The following CWF19L2 variants were observed in gnomAD, a reference collection of about 807,000 sequenced individuals.
The protein encoded by CWF19L2 is CWF19-like protein 2.
CWF19L2 carries 98 observed loss-of-function variants against 111.7 expected under a neutral mutation model. The ratio of observed to expected loss-of-function variants is 0.88; its 90% confidence interval spans 0.75 to 1.04. The LOEUF (loss-of-function observed/expected upper bound fraction) is 1.04. Ranked by LOEUF, CWF19L2 falls within the 50% of genes least tolerant of loss-of-function variation. CWF19L2 has a pLI of 0.00. For synonymous variants in CWF19L2, 351 were observed against 342.9 expected (o/e 1.02, Z -0.26); for missense variants, 1,101 against 1,051.4 (o/e 1.05, Z -0.65).
chr11:107,348,497 C>T (rs981037812), intron 14 of CWF19L2, among the ~76,000 whole-genome samples: 6 of 152,134 alleles, frequency 3.9e-5, no homozygotes, highest in African/African-American at 7.2e-5. Context: ...CACAAAAACA[C>T]AGCAGCAGAG....
At chr11:107,435,848 T>C (rs1861533324) in intron 6 of CWF19L2, among the ~76,000 whole-genome samples, 2 of 151,890 alleles carry the variant, frequency 1.3e-5, no homozygotes, top group South Asian at 2.1e-4. Context: ...CTTCCTACAA[T>C]AGGAAGTACA....
intron 10 of CWF19L2, among the ~76,000 whole-genome samples, chr11:107,408,494 G>C (rs914945751): frequency 1.3e-5 from 2 of 151,914 alleles, no homozygotes; most frequent in Non-Finnish European, 2.9e-5. Context: ...TATGAGACTA[G>C]AGAACAGACA....
chr11:107,368,380 T>G (rs2508681), intron 12 of CWF19L2, among the ~76,000 whole-genome samples: 105,022 of 135,608 alleles, frequency 0.77, 45,192 homozygotes, highest in African/African-American at 0.92. Context: ...CTTCCAAGAT[T>G]GAACGAACCA....
intron 10 of CWF19L2, among the ~76,000 whole-genome samples, chr11:107,401,584 G>A (rs372429773): frequency 1.3e-5 from 2 of 152,036 alleles, no homozygotes; most frequent in South Asian, 4.2e-4. Context: ...AATCACAGAC[G>A]ACACAAACAA....
chr11:107,442,793 A>AGGAGGGAGG (rs1565287328), intron 4 of CWF19L2, 146 bp downstream of exon 4: 2 of 249,522 alleles, frequency 8.0e-6, no homozygotes, highest in Non-Finnish European at 1.3e-5. Context: ...GAAGGAAGGA[A>AGGAGGGAGG]GGGAGGGAGG....
chr11:107,407,950 C>T (rs1289040348), intron 10 of CWF19L2, among the ~76,000 whole-genome samples: 1 of 151,940 alleles, frequency 6.6e-6, no homozygotes, highest in Non-Finnish European at 1.5e-5. Context: ...TCAACACTCC[C>T]AGCTAGGATA....
intron 12 of CWF19L2, among the ~76,000 whole-genome samples, chr11:107,362,392 C>G (rs1016004593): frequency 5.3e-5 from 8 of 151,958 alleles, no homozygotes; most frequent in Non-Finnish European, 1.0e-4. Flanking sequence ...AACAAAAAGA[C>G]AGCAGTAACC....
chr11:107,392,799 C>T lies in CWF19L2; in HGVS notation c.1714G>A (p.Gly572Arg). ...CATACCATCTGTCTCTTTCTTCTTC[C>T]TCCTTGTGATTCCAGAGATTTTCCG... is the stretch of plus-strand genomic sequence containing the variant. ...TPGKSLESQG[G>R]RRKRQMVSTH... Residue 572 changes from glycine (G) to arginine (R), a missense_variant, in exon 11 of 18, where the codon GGA becomes AGA. Coordinates refer to ENST00000282251, the MANE Select transcript of CWF19L2 (RefSeq NM_152434.3). 1.3e-6 allele frequency: 2 copies of T among 1,590,336 alleles called. No individual in the cohort carries two copies. The highest frequency in any genetic ancestry group is 1.1e-5 in the South Asian group (1 of 88,384).
chr11:107,361,232 C>T (rs1012162146), intron 12 of CWF19L2, among the ~76,000 whole-genome samples: 8 of 152,166 alleles, frequency 5.3e-5, no homozygotes, highest in Non-Finnish European at 7.4e-5. Context: ...GGTGTATGTT[C>T]GTGTCAACTT....
chr11:107,418,922 A>C (rs1861265761), intron 8 of CWF19L2, among the ~76,000 whole-genome samples: 2 of 152,214 alleles, frequency 1.3e-5, no homozygotes, highest in Non-Finnish European at 2.9e-5. Flanking sequence ...CAGGACAGTG[A>C]CCTCAGTCAG....
chr11:107,414,594 C>T (rs113185748), intron 10 of CWF19L2, among the ~76,000 whole-genome samples: 439 of 152,216 alleles, frequency 2.9e-3, no homozygotes, highest in Non-Finnish European at 4.5e-3. Flanking sequence ...CCACTTATTC[C>T]ACATCTAACA....
At chr11:107,378,924 T>C (rs973194127) in intron 12 of CWF19L2, among the ~76,000 whole-genome samples, 19 of 152,044 alleles carry the variant, frequency 1.2e-4, no homozygotes, top group African/African-American at 4.6e-4. Flanking sequence ...GAAGACAAGA[T>C]TGGTGACAGA....
chr11:107,331,642 C>T (rs1167589858), intron 16 of CWF19L2, among the ~76,000 whole-genome samples: 4 of 152,272 alleles, frequency 2.6e-5, no homozygotes, highest in African/African-American at 4.8e-5. Flanking sequence ...TTTGTACTTG[C>T]GATCACCAGA....
At chr11:107,425,487 G>A (rs754067922) in intron 8 of CWF19L2, among the ~76,000 whole-genome samples, 1 of 151,900 alleles carries the variant, frequency 6.6e-6, no homozygotes, top group African/African-American at 2.4e-5. Flanking sequence ...GCAACAGGCT[G>A]TACCATATAG....
chr11:107,447,619 A>T (rs1861719211), intron 3 of CWF19L2, among the ~76,000 whole-genome samples: 1 of 152,240 alleles, frequency 6.6e-6, no homozygotes, highest in East Asian at 1.9e-4. Flanking sequence ...CATACGAACA[A>T]AACTTAAAAA....
rs201077015 is a variant in CWF19L2, at chr11:107,442,881, G to GAA, written c.450+57_450+58insTT. On this transcript the variant is annotated intron_variant, in intron 4 of 17. Coordinates refer to ENST00000282251, the MANE Select transcript of CWF19L2 (RefSeq NM_152434.3). ...GATAGAGAGGGAAGGAGGGAGGGAGGGAGGAAGGAAGGAAGGAAGGAAGAA... is the reference window on the plus strand; with the variant it reads ...GATAGAGAGGGAAGGAGGGAGGGAGGAAGAGGAAGGAAGGAAGGAAGGAAGAA... The GAA allele has an allele frequency of 6.8e-5, 70 of 1,031,638 alleles. No homozygotes were observed. In the East Asian group the frequency reaches 7.0e-4, roughly 10 times the overall value. 63.9% of individuals were successfully genotyped at this position (1,031,638 alleles called of 1,614,324 possible). A position where few individuals can be genotyped will look rare whatever the true frequency, so the allele number is the denominator to read the frequency against.
At chr11:107,340,637 C>A (rs1859992743) in intron 14 of CWF19L2, among the ~76,000 whole-genome samples, 1 of 152,122 alleles carries the variant, frequency 6.6e-6, no homozygotes, top group Admixed American at 6.5e-5. Flanking sequence ...CTGTATTCTT[C>A]TTGTTCAAAA....
At chr11:107,377,943 A>G (rs1860618338) in intron 12 of CWF19L2, among the ~76,000 whole-genome samples, 1 of 151,884 alleles carries the variant, frequency 6.6e-6, no homozygotes, top group Non-Finnish European at 1.5e-5. Flanking sequence ...AACCCCATCA[A>G]CAAGTGGGCG....
At chr11:107,445,035 G>A (rs1282907485) in intron 3 of CWF19L2, among the ~76,000 whole-genome samples, 1 of 152,048 alleles carries the variant, frequency 6.6e-6, no homozygotes, top group Non-Finnish European at 1.5e-5. Context: ...GAAGGCATTG[G>A]GAGAGGCCAT....
Sources: gnomAD v4.1 joint callset for allele counts (sites outside exome capture counted in the v4.1 genomes callset) on GRCh38, gnomAD v4.1.1 for gene constraint, MANE v1.5 for transcripts, NCBI Gene and HGNC (gene_info 2026-07-23, HGNC 2026-07-21) for gene names.